The following SYNE2 variants were observed in gnomAD, a reference collection of about 807,000 sequenced individuals.
SYNE2 encodes nesprin-2.
Under a neutral mutation model 856.3 loss-of-function variants are expected in SYNE2, and 431 were observed. The observed-to-expected ratio is 0.50, with a 90% CI of 0.47 to 0.55. The LOEUF (loss-of-function observed/expected upper bound fraction) is 0.55, where lower values mean the gene tolerates loss of function less well. SYNE2 is among the 20% of genes least tolerant of loss of function. SYNE2 has a pLI of 0.00. For missense variants in SYNE2, 8,129 were observed against 8,023.2 expected (o/e 1.01, Z -0.50); for synonymous variants, 2,923 against 2,872.3 (o/e 1.02, Z -0.56).
intron 6 of SYNE2, among the ~76,000 whole-genome samples, chr14:63,947,151 GTTATA>G (rs1189921920): frequency 6.6e-6 from 1 of 152,010 alleles, no homozygotes; most frequent in East Asian, 1.9e-4. Context: ...TGCCTGGCCT[GTTATA>G]TTCTTTAACG....
At chr14:63,986,058 A>G (rs1243529290) in intron 18 of SYNE2, among the ~76,000 whole-genome samples, 2 of 152,210 alleles carry the variant, frequency 1.3e-5, no homozygotes, top group East Asian at 3.8e-4. Context: ...TCATTAAAAT[A>G]TGTTTAATTA....
intron 1 of SYNE2, among the ~76,000 whole-genome samples, chr14:63,815,183 T>TGG (rs1888901528): frequency 1.8e-5 from 1 of 56,602 alleles, no homozygotes; most frequent in Non-Finnish European, 3.2e-5. Flanking sequence ...TATATATCCA[T>TGG]ATATATATCC....
chr14:63,819,325 G>A (rs1489834297), intron 1 of SYNE2, among the ~76,000 whole-genome samples: 1 of 151,592 alleles, frequency 6.6e-6, no homozygotes, highest in Non-Finnish European at 1.5e-5. Flanking sequence ...TCTGCTTCTC[G>A]GTTTCAAGCA....
Position 64,159,301 on chromosome 14 carries a change from G to T in SYNE2, c.15964-11G>T. The T allele has an allele frequency of 6.2e-7, 1 of 1,613,712 alleles. No homozygotes were observed. The highest frequency in any genetic ancestry group is 8.5e-7 in the Non-Finnish European group (1 of 1,179,738). On this transcript the variant is annotated splice_polypyrimidine_tract_variant and intron_variant, in intron 86 of 115. Transcript: ENST00000555002. ...ATTCTGAAACTTAAATTTCTTGTTT[G>T]TGTCTCTTAGTCTCTGCAAGATGAA... is the stretch of plus-strand genomic sequence containing the variant.
rs756215772 is a variant in SYNE2, at chr14:64,003,166, T to A, written c.4233T>A (p.Ser1411=). The change falls in exon 30 of 116, where the codon TCT becomes TCA. Residue 1411 remains serine, a synonymous_variant. Coordinates refer to ENST00000555002, the MANE Select transcript of SYNE2 (RefSeq NM_182914.3). The part of the protein sequence containing the change: ...NLLDAFSIKL[S]ETHGYGVQEE... ...TTGATGCTTTTTCAATAAAGTTATCTGAGACACATGGCTATGGGGTACAGG... is the reference window on the plus strand; with the variant it reads ...TTGATGCTTTTTCAATAAAGTTATCAGAGACACATGGCTATGGGGTACAGG... 2 of 1,614,168 alleles carry A rather than the reference T, an allele frequency of 1.2e-6. No individual in the cohort carries two copies. The highest frequency in any genetic ancestry group is 2.2e-5 in the South Asian group (2 of 91,086).
chr14:64,017,702 C>T lies in SYNE2; in HGVS notation c.4995C>T (p.Ala1665=). 3.1e-6 allele frequency: 5 copies of T among 1,613,458 alleles called. No individual in the cohort carries two copies. Among genetic ancestry groups the T allele is most frequent in the South Asian group, 1.1e-5 (1 of 91,044 alleles). The change falls in exon 34 of 116, where the codon GCC becomes GCT. Residue 1665 remains alanine (A), a synonymous_variant. Transcript: ENST00000555002. ...TCATTGATGAGTGGACAGAAAAGGC[C>T]CTTCAAAAAATGGAATTACATCAAT... is the stretch of plus-strand genomic sequence containing the variant. ...KNVIDEWTEK[A]LQKMELHQLT...
intron 96 of SYNE2, among the ~76,000 whole-genome samples, chr14:64,179,690 C>T (rs1328586937): frequency 6.6e-6 from 1 of 151,712 alleles, no homozygotes; most frequent in East Asian, 1.9e-4. Context: ...TTGTGAATTG[C>T]CTATTTGTGC....
At chr14:64,145,468 A>T (rs60378481) in intron 83 of SYNE2, among the ~76,000 whole-genome samples, 1 of 147,844 alleles carries the variant, frequency 6.8e-6, no homozygotes, top group Non-Finnish European at 1.5e-5. Context: ...AGATTGCACC[A>T]TTGCACTCCA....
At chr14:63,906,057 A>G (rs201118944) in intron 1 of SYNE2, among the ~76,000 whole-genome samples, 1 of 152,144 alleles carries the variant, frequency 6.6e-6, no homozygotes, top group East Asian at 1.9e-4. Context: ...GTCTATTGAG[A>G]TGACATATGG....
intron 64 of SYNE2, among the ~76,000 whole-genome samples, chr14:64,106,519 G>A (rs1264606554): frequency 6.6e-6 from 1 of 152,082 alleles, no homozygotes; most frequent in Non-Finnish European, 1.5e-5. Context: ...CGTGGTGGCG[G>A]GTGCCTGTAG....
chr14:63,801,312 T>G (rs7154341), intron 1 of SYNE2, among the ~76,000 whole-genome samples: 76,427 of 152,000 alleles, frequency 0.5, 20,795 homozygotes, highest in South Asian at 0.65. Flanking sequence ...AAATCTCCAC[T>G]AAAGAACTTA....
At chr14:63,986,147 T>A (rs759774922) in intron 18 of SYNE2, among the ~76,000 whole-genome samples, 1 of 152,232 alleles carries the variant, frequency 6.6e-6, no homozygotes, top group Non-Finnish European at 1.5e-5. Context: ...TTGCCCAGGC[T>A]GGAATGCAGT....
intron 60 of SYNE2, among the ~76,000 whole-genome samples, chr14:64,092,960 G>C (rs2792204): frequency 0.28 from 40,549 of 144,406 alleles, 8,794 homozygotes; most frequent in African/African-American, 0.62. Flanking sequence ...AAGCCCCCCC[G>C]CTCCCCCGGC....
chr14:63,926,044 A>G (rs1403178549), intron 2 of SYNE2, among the ~76,000 whole-genome samples: 2 of 151,828 alleles, frequency 1.3e-5, no homozygotes, highest in Non-Finnish European at 2.9e-5. Flanking sequence ...TGGTTTCACC[A>G]TGTTGCCCAG....
intron 1 of SYNE2, among the ~76,000 whole-genome samples, chr14:63,880,491 G>GA (rs34222253): frequency 1.3e-5 from 2 of 150,960 alleles, no homozygotes; most frequent in African/African-American, 4.8e-5. Context: ...TCTATGTTAA[G>GA]AAAAAAAGAA....
At chr14:64,037,918 G>A (rs1453182675) in intron 45 of SYNE2, among the ~76,000 whole-genome samples, 51 of 151,830 alleles carry the variant, frequency 3.4e-4, no homozygotes, top group African/African-American at 1.1e-3. Context: ...CTCCCGGACC[G>A]GGCGGCTGGC....
rs1227027898 is a variant in SYNE2, at chr14:64,225,126, A to AG, written c.20516+83dup. ...CTCAGTCTTGCCAATGCCACTATCA[A>AG]GGTCCTTGCAAAAATCTGGTTTTCT... On this transcript the variant is annotated intron_variant, in intron 115 of 115. Transcript: ENST00000555002. 10 of 1,574,484 alleles carry AG rather than the reference A, an allele frequency of 6.4e-6. No homozygotes were observed. The Admixed American group carries it at 1.7e-4, about 27-fold the overall frequency.
At chr14:63,916,493 A>G (rs1418639583) in intron 2 of SYNE2, among the ~76,000 whole-genome samples, 1 of 152,182 alleles carries the variant, frequency 6.6e-6, no homozygotes, top group Non-Finnish European at 1.5e-5. Context: ...ATTGCCAATC[A>G]AGTTTCTGAA....
In SYNE2 at chr14:63,969,423, C is replaced by T. The variant is rs189279503; in HGVS notation, c.1128+1577C>T. 2.0e-5 allele frequency among the ~76,000 whole-genome samples: 3 copies of T among 150,276 alleles called. No homozygotes were observed. In the Admixed American group the frequency reaches 2.0e-4, roughly 10 times the overall value. On this transcript the variant is annotated intron_variant, in intron 11 of 115. Coordinates refer to ENST00000555002, the MANE Select transcript of SYNE2 (RefSeq NM_182914.3). The stretch of plus-strand genomic sequence containing the variant: ...GGGTGCAATCTCGGCTCACTGCAAC[C>T]CCTCCACCTCCTGGATTCAAGTGAT...
Sources: allele counts gnomAD v4.1 joint callset (sites outside exome capture counted in the v4.1 genomes callset), GRCh38; gene constraint gnomAD v4.1.1; transcripts MANE v1.5; gene names NCBI Gene and HGNC (gene_info 2026-07-23, HGNC 2026-07-21).